Variants in RWDD2B observed in about 807,000 individuals in gnomAD.
RWDD2B encodes RWD domain-containing protein 2B.
In RWDD2B, 36 loss-of-function variants were observed where a neutral mutation model predicts 33.6. The observed-to-expected ratio is 1.07, with a 90% CI of 0.82 to 1.42. The LOEUF (loss-of-function observed/expected upper bound fraction) is 1.42, where lower values mean the gene tolerates loss of function less well. Ranked by LOEUF, RWDD2B falls within the 40% of genes most tolerant of loss-of-function variation. The probability of loss-of-function intolerance (pLI) is 0.00; values close to 1 mark genes in which losing one functional copy is unlikely to be tolerated. For synonymous variants in RWDD2B, 126 were observed against 133.1 expected (o/e 0.95, Z 0.37); for missense variants, 364 against 377.5 (o/e 0.96, Z 0.30).
intron 1 of RWDD2B, among the ~76,000 whole-genome samples, chr21:29,012,133 C>T (rs552820640): frequency 8.5e-5 from 12 of 140,716 alleles, no homozygotes; most frequent in African/African-American, 2.9e-4. Context: ...GTCAGCCCCC[C>T]GCCCGGCCAG....
intron 1 of RWDD2B, among the ~76,000 whole-genome samples, chr21:29,012,178 C>CG (rs1001330719): frequency 3.5e-4 from 1 of 2,872 alleles, no homozygotes; most frequent in African/African-American, 1.9e-3. Context: ...GGGTGGTCAG[C>CG]CCCCCCCCGG....
intron 1 of RWDD2B, among the ~76,000 whole-genome samples, chr21:29,015,469 T>A (rs937862749): frequency 6.6e-6 from 1 of 150,982 alleles, no homozygotes; most frequent in Non-Finnish European, 1.5e-5. Context: ...GACCTTGTGA[T>A]CCACCCGCGT....
At position 29,007,902 on chromosome 21, in the gene RWDD2B, T is replaced by C. The variant is rs147381541; in HGVS notation, c.584A>G (p.His195Arg). ...TCTTTTGCATTTGTTATAGATATGATGGCTGTAGATCCAGAGTCTCGTGAA... is the reference window on the plus strand; with the variant it reads ...TCTTTTGCATTTGTTATAGATATGACGGCTGTAGATCCAGAGTCTCGTGAA... ...LIFTRLWIYS[H>R]HIYNKCKRKN... Residue 195 changes from histidine (H) to arginine (R), a missense_variant, in exon 4 of 5, where the codon CAT becomes CGT. Transcript: ENST00000493196. 1 of 1,614,122 alleles carries C rather than the reference T, an allele frequency of 6.2e-7. No individual in the cohort carries two copies. The highest frequency in any genetic ancestry group is 1.3e-5 in the African/African-American group (1 of 74,940).
Position 29,013,527 on chromosome 21 carries a change from A to G in RWDD2B, c.68-4906T>C, listed in dbSNP as rs1268522295. Among the ~76,000 whole-genome samples, 3 of 152,050 alleles carry G rather than the reference A, an allele frequency of 2.0e-5. No individual in the cohort carries two copies. In the East Asian group the frequency reaches 5.8e-4, roughly 29 times the overall value. On this transcript the variant is annotated intron_variant, in intron 1 of 4. Transcript: ENST00000493196. The stretch of plus-strand genomic sequence containing the variant: ...ACACAGTGAAACCCCACCTCTACTA[A>G]AAACACAAAAAATTAGCCGGGCGTG...
chr21:29,008,763 C>T, intron 1 of RWDD2B, 142 bp from the exon 2 acceptor site: 1 of 632,506 alleles, frequency 1.6e-6, no homozygotes, highest in South Asian at 2.0e-5. Context: ...TATTACTCTA[C>T]TTTCAGATAT....
chr21:29,007,062 T>C (rs865837284), intron 4 of RWDD2B, among the ~76,000 whole-genome samples: 8 of 152,264 alleles, frequency 5.3e-5, no homozygotes, highest in African/African-American at 7.2e-5. Context: ...CAAACTACTA[T>C]GGACCTTCTC....
chr21:29,018,857 G>C (rs537944512), intron 1 of RWDD2B, among the ~76,000 whole-genome samples: 2 of 152,272 alleles, frequency 1.3e-5, no homozygotes, highest in East Asian at 3.9e-4. Context: ...ATATATTTAA[G>C]AGAACGCAGA....
intron 1 of RWDD2B, among the ~76,000 whole-genome samples, chr21:29,013,127 G>A (rs921564496): frequency 6.7e-6 from 1 of 150,082 alleles, no homozygotes; most frequent in African/African-American, 2.5e-5. Context: ...GCTCGTTGCA[G>A]CCTCGAACTC....
At chr21:29,013,529 A>T (rs2084874700) in intron 1 of RWDD2B, among the ~76,000 whole-genome samples, 2 of 151,932 alleles carry the variant, frequency 1.3e-5, no homozygotes, top group South Asian at 4.2e-4. Context: ...CTCTACTAAA[A>T]ACACAAAAAA....
chr21:29,006,715 G>T, intron 4 of RWDD2B, 64 bp from the exon 5 acceptor site: 2 of 935,472 alleles, frequency 2.1e-6, no homozygotes, highest in Non-Finnish European at 3.2e-6. Context: ...TAAAACAGAA[G>T]TTATAAAACA....
At chr21:29,016,021 C>A (rs2084888670) in intron 1 of RWDD2B, among the ~76,000 whole-genome samples, 1 of 152,136 alleles carries the variant, frequency 6.6e-6, no homozygotes, top group South Asian at 2.1e-4. Context: ...CTCCACAGAA[C>A]AGAGCAGGAT....
intron 3 of RWDD2B, 43 bp from the exon 4 acceptor site, chr21:29,008,166 A>G: frequency 6.2e-7 from 1 of 1,611,044 alleles, no homozygotes; most frequent in South Asian, 1.1e-5. Flanking sequence ...TGGAACAGAA[A>G]ACAAATTCGA....
chr21:29,008,688 T>G (rs1568869290), intron 1 of RWDD2B, 67 bp from the exon 2 acceptor site: 9 of 974,960 alleles, frequency 9.2e-6, no homozygotes, highest in Non-Finnish European at 1.4e-5. Flanking sequence ...TACATCAACA[T>G]GTGTACTTAC....
At chr21:29,016,614 T>C (rs1372737094) in intron 1 of RWDD2B, among the ~76,000 whole-genome samples, 1 of 152,122 alleles carries the variant, frequency 6.6e-6, no homozygotes, top group Admixed American at 6.6e-5. Flanking sequence ...CCTGGACTTA[T>C]TGGAATTCCA....
intron 1 of RWDD2B, among the ~76,000 whole-genome samples, chr21:29,010,428 G>A (rs925748651): frequency 9.9e-5 from 5 of 50,688 alleles, no homozygotes; most frequent in Admixed American, 2.2e-4. Context: ...GTAACATAAC[G>A]AAACCCTGTC....
At chr21:29,014,782 C>A (rs2084881704) in intron 1 of RWDD2B, among the ~76,000 whole-genome samples, 2 of 152,156 alleles carry the variant, frequency 1.3e-5, no homozygotes, top group African/African-American at 2.4e-5. Flanking sequence ...GATACAGCCA[C>A]TGCACTCCAG....
intron 1 of RWDD2B, among the ~76,000 whole-genome samples, chr21:29,018,180 A>G (rs2084899106): frequency 6.6e-6 from 1 of 152,242 alleles, no homozygotes; most frequent in African/African-American, 2.4e-5. Context: ...ATACATGCAG[A>G]GAACAGAGGC....
chr21:29,006,285 A>AT lies in RWDD2B; in HGVS notation c.*131dup, dbSNP rs1258333819. 3 of 582,860 alleles carry AT rather than the reference A, an allele frequency of 5.1e-6. No homozygotes were observed. The highest frequency in any genetic ancestry group is 5.9e-5 in the East Asian group (2 of 34,116). The allele number at this position is 582,860 out of a possible 1,614,324, so 36.1% of individuals were successfully genotyped here. ...TTAACAGATGCATTTCAGCTATACT[A>AT]TTTTTTCTTGTGCCCCACTCCCCAA... On this transcript the variant is annotated 3_prime_UTR_variant, in exon 5 of 5. Coordinates refer to ENST00000493196, the MANE Select transcript of RWDD2B (RefSeq NM_016940.3).
chr21:29,017,228 C>T (rs916769403), intron 1 of RWDD2B, among the ~76,000 whole-genome samples: 3 of 151,968 alleles, frequency 2.0e-5, no homozygotes, highest in South Asian at 2.1e-4. Context: ...CAAGCACTTA[C>T]GTTCAAGCAC....
Sources: allele counts gnomAD v4.1 joint callset (sites outside exome capture counted in the v4.1 genomes callset), GRCh38; gene constraint gnomAD v4.1.1; transcripts MANE v1.5; gene names NCBI Gene and HGNC (gene_info 2026-07-23, HGNC 2026-07-21).